FNDC3A: variants seen among roughly 807,000 people sequenced by gnomAD.
FNDC3A encodes the protein fibronectin type-III domain-containing protein 3A.
FNDC3A carries 32 observed loss-of-function variants against 148.9 expected under a neutral mutation model. That is an observed-to-expected ratio of 0.21 (90% CI 0.16 to 0.29). FNDC3A has a LOEUF of 0.29. Ranked by LOEUF, FNDC3A falls within the 10% of genes least tolerant of loss-of-function variation. FNDC3A has a pLI of 1.00. For synonymous variants in FNDC3A, 472 were observed against 473.6 expected (o/e 1.00, Z 0.04); for missense variants, 1,191 against 1,452.8 (o/e 0.82, Z 2.93).
At chr13:49,094,755 C>A (rs1284413932) in intron 3 of FNDC3A, among the ~76,000 whole-genome samples, 1 of 151,950 alleles carries the variant, frequency 6.6e-6, no homozygotes, top group African/African-American at 2.4e-5. Flanking sequence ...TCAAACCAAT[C>A]CAGGGACTAG....
chr13:48,986,600 G>C (rs1382151893), intron 1 of FNDC3A, among the ~76,000 whole-genome samples: 2 of 151,872 alleles, frequency 1.3e-5, no homozygotes, highest in African/African-American at 4.8e-5. Context: ...GTTTCACCAT[G>C]TTGGTCAGAC....
chr13:49,152,709 C>T (rs1883391465), intron 8 of FNDC3A, among the ~76,000 whole-genome samples: 1 of 149,578 alleles, frequency 6.7e-6, no homozygotes, highest in South Asian at 2.1e-4. Flanking sequence ...TGATATTCCC[C>T]TTCCTGTGTC....
intron 2 of FNDC3A, among the ~76,000 whole-genome samples, chr13:49,033,117 T>C (rs1874247546): frequency 1.3e-5 from 2 of 152,280 alleles, no homozygotes; most frequent in South Asian, 4.1e-4. Context: ...TATACATATA[T>C]ATAAACCGCA....
At chr13:49,053,741 C>G (rs1876024656) in intron 2 of FNDC3A, among the ~76,000 whole-genome samples, 1 of 152,130 alleles carries the variant, frequency 6.6e-6, no homozygotes, top group African/African-American at 2.4e-5. Context: ...CCTCCACCCC[C>G]AGAGGCAATA....
chr13:49,018,856 C>T (rs1011902780), intron 2 of FNDC3A, among the ~76,000 whole-genome samples: 3 of 152,202 alleles, frequency 2.0e-5, no homozygotes, highest in African/African-American at 7.2e-5. Context: ...TTGGAGTACC[C>T]GGCCGTGTGA....
At chr13:48,978,987 C>T (rs1275413920) in intron 1 of FNDC3A, among the ~76,000 whole-genome samples, 2 of 152,090 alleles carry the variant, frequency 1.3e-5, no homozygotes, top group East Asian at 1.9e-4. Context: ...TTTATTCTTA[C>T]CTTTCTGTCT....
intron 2 of FNDC3A, among the ~76,000 whole-genome samples, chr13:49,012,805 A>ATGTATGTGTGTGTGTGTG (rs1952379335): frequency 7.4e-6 from 1 of 134,524 alleles, no homozygotes; most frequent in South Asian, 2.7e-4. Context: ...GCAATTATAA[A>ATGTATGTGTGTGTGTGTG]TGTGTGTGTG....
intron 2 of FNDC3A, among the ~76,000 whole-genome samples, chr13:49,032,646 G>A (rs1167504651): frequency 6.6e-6 from 1 of 152,146 alleles, no homozygotes; most frequent in East Asian, 1.9e-4. Flanking sequence ...TGAGGCAGGA[G>A]AATGGCGTGA....
At position 49,032,267 on chromosome 13, in the gene FNDC3A, C is replaced by CTCCTAGGTATATAT. The variant is rs556199817; in HGVS notation, c.99+25978_99+25979insTCCTAGGTATATAT. Among the ~76,000 whole-genome samples, 970 of 152,166 alleles carry CTCCTAGGTATATAT rather than the reference C, an allele frequency of 6.4e-3. 2 individuals carry two copies. Among genetic ancestry groups the CTCCTAGGTATATAT allele is most frequent in the Middle Eastern group, 0.014 (4 of 294 alleles). ...AGTTAAACATAGTGTTACCCTATGACCCAGTAATTTCACTCCTAGGTATAT... is the reference window on the plus strand; with the variant it reads ...AGTTAAACATAGTGTTACCCTATGACTCCTAGGTATATATCCAGTAATTTCACTCCTAGGTATAT... On this transcript the variant is annotated intron_variant, in intron 2 of 25. Transcript: ENST00000492622.
intron 14 of FNDC3A, among the ~76,000 whole-genome samples, chr13:49,185,668 A>T (rs953318462): frequency 2.6e-5 from 4 of 152,258 alleles, no homozygotes; most frequent in Non-Finnish European, 4.4e-5. Context: ...CCTAAAGCCC[A>T]TGAAGAATCA....
chr13:49,015,981 G>C (rs1429058195), intron 2 of FNDC3A, among the ~76,000 whole-genome samples: 1 of 151,742 alleles, frequency 6.6e-6, no homozygotes, highest in African/African-American at 2.4e-5. Context: ...TAAGCTTTTT[G>C]ATGTGCTGCT....
In FNDC3A at chr13:49,203,200, A is replaced by G. The variant is rs761183265; in HGVS notation, c.3198A>G (p.Thr1066=). 6.2e-7 allele frequency: 1 copy of G among 1,604,164 alleles called. No homozygotes were observed. The highest frequency in any genetic ancestry group is 8.5e-7 in the Non-Finnish European group (1 of 1,171,722). Residue 1066 remains threonine, a synonymous_variant, in exon 25 of 26, where the codon ACA becomes ACG. Transcript: ENST00000492622. ...EKVNDHICEI[T]WECLQPMKGD... Reference sequence around the variant, plus strand: ...TAAATGATCACATTTGTGAAATTACATGGGAGTGTTTACAGCCAATGAAAG... The same window carrying G: ...TAAATGATCACATTTGTGAAATTACGTGGGAGTGTTTACAGCCAATGAAAG...
At chr13:49,178,160 A>G (rs750044684) in intron 13 of FNDC3A, among the ~76,000 whole-genome samples, 3 of 152,198 alleles carry the variant, frequency 2.0e-5, no homozygotes, top group Non-Finnish European at 4.4e-5. Context: ...TTACTTAGAC[A>G]ACCATGTGTT....
intron 3 of FNDC3A, among the ~76,000 whole-genome samples, chr13:49,089,409 T>TG (rs1879041366): frequency 6.6e-6 from 1 of 152,208 alleles, no homozygotes. Flanking sequence ...TGGGTTATAT[T>TG]GTATTGCATG....
At chr13:49,132,428 G>A (rs1882091370) in intron 5 of FNDC3A, among the ~76,000 whole-genome samples, 1 of 152,202 alleles carries the variant, frequency 6.6e-6, no homozygotes, top group Non-Finnish European at 1.5e-5. Flanking sequence ...GGACGGATAA[G>A]TCTTCATTGT....
intron 1 of FNDC3A, among the ~76,000 whole-genome samples, chr13:48,984,774 T>C (rs1951757938): frequency 6.6e-6 from 1 of 152,148 alleles, no homozygotes; most frequent in African/African-American, 2.4e-5. Context: ...AACCTCCGCC[T>C]CCCAGGTTCA....
At chr13:48,984,918 G>A (rs1951760394) in intron 1 of FNDC3A, among the ~76,000 whole-genome samples, 1 of 152,128 alleles carries the variant, frequency 6.6e-6, no homozygotes, top group Non-Finnish European at 1.5e-5. Context: ...TCTTGAGCTT[G>A]TGATCTGCTC....
At chr13:49,161,719 G>A (rs1328101442) in intron 8 of FNDC3A, among the ~76,000 whole-genome samples, 1 of 152,118 alleles carries the variant, frequency 6.6e-6, no homozygotes, top group East Asian at 1.9e-4. Context: ...TTTACAATTT[G>A]GCATGTTTTG....
At chr13:49,063,034 A>T (rs1464156443) in intron 2 of FNDC3A, among the ~76,000 whole-genome samples, 1 of 152,068 alleles carries the variant, frequency 6.6e-6, no homozygotes, top group Non-Finnish European at 1.5e-5. Flanking sequence ...CTTTTTCTCA[A>T]CTTTATATAG....
Sources: allele counts gnomAD v4.1 joint callset (sites outside exome capture counted in the v4.1 genomes callset), GRCh38; gene constraint gnomAD v4.1.1; transcripts MANE v1.5; gene names NCBI Gene and HGNC (gene_info 2026-07-23, HGNC 2026-07-21).